TMPRSS11F: variants seen among roughly 807,000 people sequenced by gnomAD.
The protein encoded by TMPRSS11F is transmembrane serine protease 11F.
In TMPRSS11F, 47 loss-of-function variants were observed where a neutral mutation model predicts 60.2. The ratio of observed to expected loss-of-function variants is 0.78; its 90% CI spans 0.62 to 1.00. The LOEUF is 1.00. TMPRSS11F is among the 50% of genes least tolerant of loss of function. The pLI, the probability that TMPRSS11F is intolerant of heterozygous loss-of-function variation, is 0.00. For synonymous variants in TMPRSS11F, 166 were observed against 167.3 expected, an observed-to-expected ratio of 0.99 and a Z score of 0.06; for missense variants, 519 against 522.9, an observed-to-expected ratio of 0.99 and a Z score of 0.07.
At chr4:68,072,201 A>ATATATATATATATATATCTTAC (rs1560396469) in intron 5 of TMPRSS11F, 122 bp downstream of exon 5, 3,201 of 125,534 alleles carry the variant, frequency 0.025, 234 homozygotes, top group African/African-American at 0.082. Flanking sequence ...CTGAGATTTT[A>ATATATATATATATATATCTTAC]TATATATATA....
rs373198299 is a variant in TMPRSS11F at position 68,064,809 on chromosome 4, A to T, written c.891T>A (p.Val297=). The T allele has an allele frequency of 6.2e-6, 10 of 1,614,076 alleles. No homozygotes were observed. The African/African-American group carries it at 1.3e-4, about 22-fold the overall frequency. Residue 297 remains valine (V), a synonymous_variant, in exon 8 of 10, where the codon GTT becomes GTA. Coordinates refer to ENST00000356291, the MANE Select transcript of TMPRSS11F (RefSeq NM_207407.2). ...RETNENDIAL[V]QLSTGVEFSN... Reference sequence around the variant, plus strand: ...AAAACTCAACTCCAGTAGAGAGCTGAACCAAAGCAATGTCATTTTCATTTG... The same window carrying T: ...AAAACTCAACTCCAGTAGAGAGCTGTACCAAAGCAATGTCATTTTCATTTG...
intron 7 of TMPRSS11F, among the ~76,000 whole-genome samples, chr4:68,065,335 C>G (rs2109836985): frequency 6.6e-6 from 1 of 152,204 alleles, no homozygotes; most frequent in African/African-American, 2.4e-5. Context: ...TCTTATTTTA[C>G]TGGTTTTACT....
Position 68,053,954 on chromosome 4 carries a change from T to A in TMPRSS11F, c.1272A>T (p.Arg424Ser). Residue 424 changes from arginine (R) to serine (S), a missense_variant, in exon 10 of 10, where the codon AGA becomes AGT. Coordinates refer to ENST00000356291, the MANE Select transcript of TMPRSS11F (RefSeq NM_207407.2). ...CAATCCAATCTCGATACTTAGTTACTCTGGTGTAGACTCCAGGTTTTTTGG... is the reference window on the plus strand; with the variant it reads ...CAATCCAATCTCGATACTTAGTTACACTGGTGTAGACTCCAGGTTTTTTGG... ...ALPKKPGVYT[R>S]VTKYRDWIAS... is the part of the protein sequence containing the mutation. The A allele has an allele frequency of 6.2e-7, 1 of 1,613,758 alleles. No homozygotes were observed. Among genetic ancestry groups the A allele is most frequent in the South Asian group, 1.1e-5 (1 of 91,066 alleles).
intron 1 of TMPRSS11F, among the ~76,000 whole-genome samples, chr4:68,119,959 A>G (rs13135438): frequency 0.22 from 33,103 of 152,158 alleles, 4,034 homozygotes; most frequent in Admixed American, 0.37. Context: ...GAAGGTCAAA[A>G]TATCAAAATT....
At chr4:68,059,593 C>CTTATTTTCTGTCA (rs1723114865) in intron 8 of TMPRSS11F, 125 bp from the exon 9 acceptor site, 6 of 941,152 alleles carry the variant, frequency 6.4e-6, no homozygotes, top group South Asian at 6.3e-5. Flanking sequence ...TAGCTATCAT[C>CTTATTTTCTGTCA]TTATTTTCTG....
chr4:68,115,477 A>G (rs1724500942), intron 1 of TMPRSS11F, among the ~76,000 whole-genome samples: 1 of 152,130 alleles, frequency 6.6e-6, no homozygotes, highest in African/African-American at 2.4e-5. Context: ...TTTCTTTTGA[A>G]GCTCGGAATG....
rs368727739 is a variant in TMPRSS11F, at chr4:68,053,583, C to T, written c.*326G>A. ...GGTAAGATTTTGGCATTACTGGCAG[C>T]TCTTCATATCCTGTGGAAAATGATG... On this transcript the variant is annotated 3_prime_UTR_variant, in exon 10 of 10. Transcript: ENST00000356291. The T allele has an allele frequency of 5.7e-5, 11 of 193,108 alleles. No homozygotes were observed. The highest frequency in any genetic ancestry group is 8.4e-5 in the Non-Finnish European group (8 of 95,356). 12.0% of individuals were successfully genotyped at this position (193,108 alleles called of 1,614,324 possible). A position where few individuals can be genotyped will look rare whatever the true frequency, so the allele number is the denominator to read the frequency against.
intron 3 of TMPRSS11F, among the ~76,000 whole-genome samples, chr4:68,074,640 T>C (rs1723547632): frequency 6.6e-6 from 1 of 152,230 alleles, no homozygotes; most frequent in Non-Finnish European, 1.5e-5. Context: ...TCACAACTGG[T>C]ACTATGCTTG....
chr4:68,066,390 T>C (rs1304804487), intron 7 of TMPRSS11F, among the ~76,000 whole-genome samples: 1 of 152,174 alleles, frequency 6.6e-6, no homozygotes, highest in Non-Finnish European at 1.5e-5. Context: ...CCTCACCTGA[T>C]AGGCCAATTT....
At chr4:68,098,425 T>C (rs1222449361) in intron 2 of TMPRSS11F, among the ~76,000 whole-genome samples, 1 of 152,248 alleles carries the variant, frequency 6.6e-6, no homozygotes, top group Non-Finnish European at 1.5e-5. Flanking sequence ...GAAGTAATAC[T>C]GAGCTTTTCC....
rs1344741296 is a variant in TMPRSS11F, at chr4:68,090,176, T to G, written c.282+347A>C. Among the ~76,000 whole-genome samples the G allele has an allele frequency of 2.6e-5, 4 of 152,142 alleles. No individual in the cohort carries two copies. In the East Asian group the frequency reaches 5.8e-4, roughly 22 times the overall value. On this transcript the variant is annotated intron_variant, in intron 3 of 9. Transcript: ENST00000356291. The stretch of plus-strand genomic sequence containing the variant: ...AGTGCTGTCAAAATAAACAAACCGG[T>G]AAGCTGATTGTGGCAACTCTATATT...
At chr4:68,067,935 T>C (rs555759146) in intron 7 of TMPRSS11F, among the ~76,000 whole-genome samples, 6 of 152,230 alleles carry the variant, frequency 3.9e-5, no homozygotes, top group Non-Finnish European at 5.9e-5. Flanking sequence ...GGAAGAAAGA[T>C]GGTGTGTTCC....
intron 1 of TMPRSS11F, among the ~76,000 whole-genome samples, chr4:68,122,993 A>T (rs1375511904): frequency 6.6e-6 from 1 of 152,188 alleles, no homozygotes; most frequent in Non-Finnish European, 1.5e-5. Context: ...AATGAACTGC[A>T]AGTCTATCTT....
At position 68,071,508 on chromosome 4, in the gene TMPRSS11F, C is replaced by G. The variant is rs147807911; in HGVS notation, c.514+815G>C. 2.4e-4 allele frequency among the ~76,000 whole-genome samples: 37 copies of G among 152,222 alleles called. No homozygotes were observed. In the East Asian group the frequency reaches 6.4e-3, roughly 26 times the overall value. On this transcript the variant is annotated intron_variant, in intron 5 of 9. Coordinates refer to ENST00000356291, the MANE Select transcript of TMPRSS11F (RefSeq NM_207407.2). The stretch of plus-strand genomic sequence containing the variant: ...CAATGAAAGGAGCTGGAACATCTAT[C>G]ACATGTGACATGTATGCTAGTGTTT...
At chr4:68,079,759 G>GA in intron 3 of TMPRSS11F, among the ~76,000 whole-genome samples, 1 of 152,130 alleles carries the variant, frequency 6.6e-6, no homozygotes, top group East Asian at 1.9e-4. Flanking sequence ...TAAAATGGGG[G>GA]AAAAAACTTC....
In TMPRSS11F at chr4:68,060,600, CT is replaced by C. The variant is rs998124744; in HGVS notation, c.1016-1133del. ...CCTTGACAGAAACATAAGTATCTCT[CT>C]TTTTTTTTTTCAGGTTCTAATTCCT... is the stretch of plus-strand genomic sequence containing the variant. On this transcript the variant is annotated intron_variant, in intron 8 of 9. Coordinates refer to ENST00000356291, the MANE Select transcript of TMPRSS11F (RefSeq NM_207407.2). Among the ~76,000 whole-genome samples the C allele has an allele frequency of 4.9e-4, 55 of 113,304 alleles. 1 individual carries two copies. The highest frequency in any genetic ancestry group is 4.5e-3 in the East Asian group (15 of 3,306). 74.3% of individuals were successfully genotyped at this position (113,304 alleles called of 152,430 possible).
intron 1 of TMPRSS11F, among the ~76,000 whole-genome samples, chr4:68,124,460 C>A (rs185861552): frequency 1.8e-3 from 269 of 152,272 alleles, no homozygotes; most frequent in Admixed American, 3.0e-3. Context: ...TTGCAGTGAG[C>A]AGCGATCATG....
At chr4:68,087,309 C>T (rs187580100) in intron 3 of TMPRSS11F, among the ~76,000 whole-genome samples, 3 of 152,228 alleles carry the variant, frequency 2.0e-5, no homozygotes, top group Admixed American at 2.0e-4. Context: ...TAAAATCCAA[C>T]ATCCCTTCAT....
intron 1 of TMPRSS11F, among the ~76,000 whole-genome samples, chr4:68,126,167 A>ATG (rs1165685696): frequency 6.6e-6 from 1 of 152,074 alleles, no homozygotes; most frequent in Non-Finnish European, 1.5e-5. Flanking sequence ...TTATTCATAT[A>ATG]TGTGTGTATG....
Sources: gnomAD v4.1 joint callset for allele counts (sites outside exome capture counted in the v4.1 genomes callset) on GRCh38, gnomAD v4.1.1 for gene constraint, MANE v1.5 for transcripts, NCBI Gene and HGNC (gene_info 2026-07-23, HGNC 2026-07-21) for gene names.